The following GRID1 variants were observed in gnomAD, a reference collection of about 807,000 sequenced individuals.
GRID1 encodes the protein glutamate ionotropic receptor delta type subunit 1.
In GRID1, 28 loss-of-function variants were observed where a neutral mutation model predicts 98.0. The observed-to-expected ratio is 0.29, with a 90% CI of 0.21 to 0.39. GRID1 has a LOEUF of 0.39. Ranked by LOEUF, GRID1 falls within the 10% of genes least tolerant of loss-of-function variation. The pLI is 1.00. For synonymous variants in GRID1, 553 were observed against 538.5 expected, an observed-to-expected ratio of 1.03 and a Z score of -0.37; for missense variants, 1,111 against 1,340.5, an observed-to-expected ratio of 0.83 and a Z score of 2.67.
intron 4 of GRID1, among the ~76,000 whole-genome samples, chr10:85,951,412 A>G (rs11591731): frequency 0.034 from 5,107 of 151,836 alleles, 126 homozygotes; most frequent in Non-Finnish European, 0.053. Flanking sequence ...ATTTCTGCTT[A>G]TACTAGCTTT....
intron 8 of GRID1, among the ~76,000 whole-genome samples, chr10:85,778,541 G>T (rs1842353162): frequency 6.6e-6 from 1 of 152,180 alleles, no homozygotes; most frequent in South Asian, 2.1e-4. Flanking sequence ...CCTGACCTCG[G>T]AAAACTCACT....
At chr10:85,633,451 A>T (rs990288484) in intron 13 of GRID1, among the ~76,000 whole-genome samples, 1 of 152,194 alleles carries the variant, frequency 6.6e-6, no homozygotes, top group Non-Finnish European at 1.5e-5. Context: ...TTTGAGACCC[A>T]TGAAACTGTA....
chr10:86,194,991 G>A (rs1589406216), intron 3 of GRID1, among the ~76,000 whole-genome samples: 1 of 152,074 alleles, frequency 6.6e-6, no homozygotes, highest in East Asian at 1.9e-4. Flanking sequence ...GTGGACATTT[G>A]TCCAACAGAA....
chr10:86,029,359 A>T (rs896339811), intron 4 of GRID1, among the ~76,000 whole-genome samples: 6 of 152,188 alleles, frequency 3.9e-5, no homozygotes, highest in African/African-American at 1.4e-4. Context: ...GGAGAGGATC[A>T]CCCAACTCAC....
intron 4 of GRID1, among the ~76,000 whole-genome samples, chr10:86,132,930 C>G (rs888200126): frequency 6.6e-6 from 1 of 152,202 alleles, no homozygotes; most frequent in Non-Finnish European, 1.5e-5. Context: ...AACCTAACTC[C>G]ATCCAGCCTG....
At chr10:85,735,962 T>G (rs1202287228) in intron 8 of GRID1, among the ~76,000 whole-genome samples, 107 of 61,886 alleles carry the variant, frequency 1.7e-3, no homozygotes, top group Admixed American at 2.2e-3. Flanking sequence ...AGGGAGAAAG[T>G]GAAGAAGGGA....
intron 12 of GRID1, among the ~76,000 whole-genome samples, chr10:85,680,038 C>T (rs1014611906): frequency 6.6e-6 from 1 of 152,154 alleles, no homozygotes; most frequent in African/African-American, 2.4e-5. Context: ...CAGGCCTATA[C>T]TAACAACCTG....
At chr10:85,981,315 A>G (rs1842541771) in intron 4 of GRID1, among the ~76,000 whole-genome samples, 1 of 152,162 alleles carries the variant, frequency 6.6e-6, no homozygotes, top group Admixed American at 6.5e-5. Flanking sequence ...GCTCTATTTT[A>G]TGCCTTGAAA....
intron 12 of GRID1, among the ~76,000 whole-genome samples, chr10:85,702,167 G>T (rs1841458915): frequency 6.6e-6 from 1 of 151,924 alleles, no homozygotes; most frequent in African/African-American, 2.4e-5. Context: ...CTACAGCAAG[G>T]ACTCTTTATA....
At chr10:86,128,605 A>C (rs1480301030) in intron 4 of GRID1, among the ~76,000 whole-genome samples, 2 of 152,124 alleles carry the variant, frequency 1.3e-5, no homozygotes, top group African/African-American at 4.8e-5. Flanking sequence ...AGGGAGGTGA[A>C]GCATACACAC....
At chr10:86,039,983 C>G (rs1007678316) in intron 4 of GRID1, among the ~76,000 whole-genome samples, 1 of 152,090 alleles carries the variant, frequency 6.6e-6, no homozygotes, top group South Asian at 2.1e-4. Flanking sequence ...GGATCAGAAG[C>G]CCCTGGAGGA....
intron 8 of GRID1, among the ~76,000 whole-genome samples, chr10:85,815,638 G>A (rs906401220): frequency 1.3e-5 from 2 of 151,874 alleles, no homozygotes; most frequent in African/African-American, 4.8e-5. Flanking sequence ...AAAACATAAA[G>A]AGAAAAATCT....
intron 4 of GRID1, among the ~76,000 whole-genome samples, chr10:85,972,699 A>G (rs1243277475): frequency 6.6e-6 from 1 of 151,952 alleles, no homozygotes; most frequent in Non-Finnish European, 1.5e-5. Flanking sequence ...AGTATGGAAG[A>G]TAGCACTACA....
chr10:86,095,881 G>T (rs559624698), intron 4 of GRID1, among the ~76,000 whole-genome samples: 38 of 152,242 alleles, frequency 2.5e-4, no homozygotes, highest in African/African-American at 8.7e-4. Context: ...CAGAAGAAAA[G>T]AAGTCATTAC....
intron 4 of GRID1, among the ~76,000 whole-genome samples, chr10:86,135,223 C>T (rs1334289321): frequency 6.6e-6 from 1 of 152,220 alleles, no homozygotes; most frequent in East Asian, 1.9e-4. Context: ...CACTTAGCAA[C>T]CTGTAGCCCA....
At position 85,866,603 on chromosome 10, in the gene GRID1, G is replaced by C. The variant is rs150759605; in HGVS notation, c.951+2407C>G. Among the ~76,000 whole-genome samples, 169 of 151,984 alleles carry C rather than the reference G, an allele frequency of 1.1e-3. 1 individual carries two copies. The East Asian group carries it at 0.028, about 25-fold the overall frequency. On this transcript the variant is annotated intron_variant, in intron 6 of 15. Transcript: ENST00000327946. ...CAGATTTCAGAGTACTTCAGATTTCGGATTTTCATATTAGAGATACTCAAC... is the reference window on the plus strand; with the variant it reads ...CAGATTTCAGAGTACTTCAGATTTCCGATTTTCATATTAGAGATACTCAAC...
intron 12 of GRID1, among the ~76,000 whole-genome samples, chr10:85,659,995 A>G (rs1305142593): frequency 1.3e-5 from 2 of 152,216 alleles, no homozygotes; most frequent in Non-Finnish European, 2.9e-5. Context: ...ACCAGCTCCA[A>G]TTAGGGATGA....
chr10:86,270,505 C>T (rs1847168385), intron 2 of GRID1, among the ~76,000 whole-genome samples: 1 of 152,160 alleles, frequency 6.6e-6, no homozygotes, highest in African/African-American at 2.4e-5. Context: ...CCCTGGCCAA[C>T]ATGGTGCAGC....
chr10:86,033,373 T>C (rs1458493215), intron 4 of GRID1, among the ~76,000 whole-genome samples: 1 of 152,102 alleles, frequency 6.6e-6, no homozygotes, highest in Non-Finnish European at 1.5e-5. Context: ...CTAGAACAGC[T>C]GGTCATGGAA....
Sources: gnomAD v4.1 joint callset for allele counts (sites outside exome capture counted in the v4.1 genomes callset) on GRCh38, gnomAD v4.1.1 for gene constraint, MANE v1.5 for transcripts, NCBI Gene and HGNC (gene_info 2026-07-23, HGNC 2026-07-21) for gene names.